Variants in CRISPLD1 observed in about 807,000 individuals in gnomAD.
CRISPLD1 encodes cysteine rich secretory protein LCCL domain containing 1.
In CRISPLD1, 60 loss-of-function variants were observed where a neutral mutation model predicts 77.5. The observed-to-expected ratio is 0.77, with a 90% CI of 0.63 to 0.96. The LOEUF is 0.96. Ranked by LOEUF, CRISPLD1 falls within the 40% of genes least tolerant of loss-of-function variation. The pLI is 0.00. For synonymous variants in CRISPLD1, 195 were observed against 200.1 expected (o/e 0.97, Z 0.22); for missense variants, 623 against 615.8 (o/e 1.01, Z -0.12).
intron 2 of CRISPLD1, among the ~76,000 whole-genome samples, chr8:75,009,435 G>A (rs1812891158): frequency 6.6e-6 from 1 of 152,070 alleles, no homozygotes; most frequent in Admixed American, 6.6e-5. Context: ...CAAATTCAAG[G>A]GAAGAGGGGG....
chr8:74,987,992 T>G (rs1254765320), intron 2 of CRISPLD1, among the ~76,000 whole-genome samples: 2 of 152,230 alleles, frequency 1.3e-5, no homozygotes, highest in Non-Finnish European at 1.5e-5. Context: ...TTCACTGGTT[T>G]CAGTCTATCC....
chr8:75,006,397 T>G, intron 2 of CRISPLD1, among the ~76,000 whole-genome samples: 1 of 152,134 alleles, frequency 6.6e-6, no homozygotes, highest in Admixed American at 6.6e-5. Flanking sequence ...TATGTAAAAT[T>G]TTTAGATGAT....
intron 2 of CRISPLD1, among the ~76,000 whole-genome samples, chr8:74,989,622 G>C (rs1279958956): frequency 3.3e-5 from 5 of 150,612 alleles, no homozygotes; most frequent in Admixed American, 1.3e-4. Context: ...TCATTGAGTT[G>C]AGTTCCTTGT....
Position 75,033,910 on chromosome 8 carries a change from T to TA in CRISPLD1, c.*1671dup, listed in dbSNP as rs1019907203. Reference sequence around the variant, plus strand: ...TCGAAAGGATACATGACCACCTTCTTAAATAGTATGACTTTACATAGACTC... The same window carrying TA: ...TCGAAAGGATACATGACCACCTTCTTAAAATAGTATGACTTTACATAGACTC... On this transcript the variant is annotated 3_prime_UTR_variant, in exon 15 of 15. Transcript: ENST00000262207. 1 of 152,064 alleles carries TA rather than the reference T, an allele frequency of 6.6e-6. No homozygotes were observed. The highest frequency in any genetic ancestry group is 2.4e-5 in the African/African-American group (1 of 41,460). 9.4% of individuals were successfully genotyped at this position (152,064 alleles called of 1,614,324 possible).
chr8:75,033,261 TC>T lies in CRISPLD1; in HGVS notation c.*1020del, dbSNP rs1223521414. ...TGGTGGATTTACATATTAAATTTTT[TC>T]TGCTGGTGGATAAACATTAAAATTA... On this transcript the variant is annotated 3_prime_UTR_variant, in exon 15 of 15. Transcript: ENST00000262207. 7 of 152,444 alleles carry T rather than the reference TC, an allele frequency of 4.6e-5. No individual in the cohort carries two copies. Among genetic ancestry groups the T allele is most frequent in the African/African-American group, 1.7e-4 (7 of 41,438 alleles). 9.4% of individuals were successfully genotyped at this position (152,444 alleles called of 1,614,324 possible).
At chr8:74,985,813 A>T in intron 1 of CRISPLD1, 113 bp from the exon 2 acceptor site, 1 of 725,702 alleles carries the variant, frequency 1.4e-6, no homozygotes, top group Non-Finnish European at 2.3e-6. Context: ...TTCTGCTGTT[A>T]AATAGACAAA....
In CRISPLD1 at chr8:75,033,993, A is replaced by G. The variant is rs1200192263; in HGVS notation, c.*1751A>G. 6.6e-6 allele frequency: 1 copy of G among 152,014 alleles called. No homozygotes were observed. The highest frequency in any genetic ancestry group is 1.5e-5 in the Non-Finnish European group (1 of 67,934). The allele number at this position is 152,014 out of a possible 1,614,324, so 9.4% of individuals were successfully genotyped here. The stretch of plus-strand genomic sequence containing the variant: ...GGGAAGCCCGATCAGTTCTGTCAGT[A>G]TAAGGTTTTCTTCTATTTGCCCTTA... On this transcript the variant is annotated 3_prime_UTR_variant, in exon 15 of 15. Coordinates refer to ENST00000262207, the MANE Select transcript of CRISPLD1 (RefSeq NM_031461.6).
At position 75,008,900 on chromosome 8, in the gene CRISPLD1, G is replaced by A. The variant is rs571512178; in HGVS notation, c.259-3533G>A. Among the ~76,000 whole-genome samples, 13 of 152,122 alleles carry A rather than the reference G, an allele frequency of 8.5e-5. No individual in the cohort carries two copies. In the South Asian group the frequency reaches 1.9e-3, roughly 22 times the overall value. On this transcript the variant is annotated intron_variant, in intron 2 of 14. Transcript: ENST00000262207. ...AAAGTATTTGAATAATATGTTTTAC[G>A]TTTTATTCCGATTTCTATACAACAG... is the stretch of plus-strand genomic sequence containing the variant.
rs570601141 is a variant in CRISPLD1, at chr8:75,025,109, A to G, written c.1245-437A>G. ...ATGTAAATTTGGAAATTAGCCATTT[A>G]AAGATGATAATTAAAACTATGAAAT... On this transcript the variant is annotated intron_variant, in intron 12 of 14. Coordinates refer to ENST00000262207, the MANE Select transcript of CRISPLD1 (RefSeq NM_031461.6). 3.3e-5 allele frequency among the ~76,000 whole-genome samples: 5 copies of G among 152,350 alleles called. No homozygotes were observed. In the South Asian group the frequency reaches 8.3e-4, roughly 25 times the overall value.
At chr8:75,017,222 T>C (rs892325371) in intron 9 of CRISPLD1, 98 bp from the exon 10 acceptor site, 13 of 1,541,950 alleles carry the variant, frequency 8.4e-6, no homozygotes, top group East Asian at 4.5e-5. Flanking sequence ...TGCTCAGAAA[T>C]GTTTATTTAA....
chr8:74,996,709 CTTTTTTT>C (rs1178454369), intron 2 of CRISPLD1, among the ~76,000 whole-genome samples: 5 of 73,378 alleles, frequency 6.8e-5, no homozygotes, highest in Admixed American at 3.0e-4. Context: ...GAGCCAGAAT[CTTTTTTT>C]TTTTTTTTTT....
At chr8:75,010,810 C>A (rs1292815477) in intron 2 of CRISPLD1, among the ~76,000 whole-genome samples, 2 of 151,920 alleles carry the variant, frequency 1.3e-5, no homozygotes, top group Non-Finnish European at 2.9e-5. Flanking sequence ...TCTTCTCATT[C>A]TATATAATAT....
At chr8:75,028,956 A>C (rs1813282912) in intron 13 of CRISPLD1, among the ~76,000 whole-genome samples, 1 of 152,166 alleles carries the variant, frequency 6.6e-6, no homozygotes. Flanking sequence ...GGCAAAAGTG[A>C]ACATACATGA....
intron 12 of CRISPLD1, among the ~76,000 whole-genome samples, chr8:75,025,151 G>A (rs1813209795): frequency 6.6e-6 from 1 of 152,158 alleles, no homozygotes; most frequent in Admixed American, 6.5e-5. Context: ...AGATTCCAAA[G>A]ATGTGAATAT....
intron 2 of CRISPLD1, 143 bp downstream of exon 2, chr8:74,986,388 C>A: frequency 2.4e-6 from 2 of 836,432 alleles, no homozygotes; most frequent in Non-Finnish European, 1.9e-6. Context: ...TCTGCATATT[C>A]GTTTATTAAT....
intron 12 of CRISPLD1, among the ~76,000 whole-genome samples, chr8:75,023,708 T>C (rs895044855): frequency 1.3e-5 from 2 of 152,284 alleles, no homozygotes; most frequent in Non-Finnish European, 1.5e-5. Flanking sequence ...ATGATTATCA[T>C]GTAGTTATGT....
intron 2 of CRISPLD1, among the ~76,000 whole-genome samples, chr8:75,011,564 A>AT (rs1162357300): frequency 6.6e-6 from 1 of 152,068 alleles, no homozygotes; most frequent in Non-Finnish European, 1.5e-5. Flanking sequence ...TTTCAAATTA[A>AT]TAAGTTGAAT....
At chr8:75,015,337 A>G (rs1009642537) in intron 6 of CRISPLD1, among the ~76,000 whole-genome samples, 2 of 152,164 alleles carry the variant, frequency 1.3e-5, no homozygotes, top group African/African-American at 4.8e-5. Context: ...ACCATGCTCA[A>G]TGAATTATGT....
chr8:75,017,511 A>G, intron 10 of CRISPLD1, 61 bp downstream of exon 10: 1 of 1,365,750 alleles, frequency 7.3e-7, no homozygotes, highest in Non-Finnish European at 9.9e-7. Context: ...GAGCTAACAC[A>G]TTTTTTTTTA....
Sources: allele counts gnomAD v4.1 joint callset (sites outside exome capture counted in the v4.1 genomes callset), GRCh38; gene constraint gnomAD v4.1.1; transcripts MANE v1.5; gene names NCBI Gene and HGNC (gene_info 2026-07-23, HGNC 2026-07-21).